Variants in FANCD2 observed in about 807,000 individuals in gnomAD.
FANCD2 encodes the protein Fanconi anemia group D2 protein.
Under a neutral mutation model 192.3 loss-of-function variants are expected in FANCD2, and 131 were observed. The ratio of observed to expected loss-of-function variants is 0.68; its 90% CI spans 0.59 to 0.79. The LOEUF (loss-of-function observed/expected upper bound fraction) is 0.79, where lower values mean the gene tolerates loss of function less well. Among genes scored for constraint, FANCD2 ranks in the 30% least tolerant of loss-of-function variants. The probability of loss-of-function intolerance (pLI) is 0.00; values close to 1 mark genes in which losing one functional copy is unlikely to be tolerated. For missense variants in FANCD2, 1,508 were observed against 1,701.6 expected (o/e 0.89, Z 2.00); for synonymous variants, 524 against 612.5 (o/e 0.86, Z 2.13).
chr3:10,044,510 A>G (rs572416277), intron 14 of FANCD2, among the ~76,000 whole-genome samples: 4 of 152,120 alleles, frequency 2.6e-5, no homozygotes, highest in African/African-American at 9.7e-5. Context: ...TCTACTAAAA[A>G]TACAAAAAAA....
chr3:10,080,949 C>T, intron 30 of FANCD2, 151 bp from the exon 31 acceptor site: 1 of 808,218 alleles, frequency 1.2e-6, no homozygotes, highest in South Asian at 1.5e-5. Context: ...GATTTTTATC[C>T]CTCTGTCAGA....
intron 26 of FANCD2, among the ~76,000 whole-genome samples, chr3:10,071,657 A>G (rs1693254416): frequency 6.6e-6 from 1 of 152,210 alleles, no homozygotes; most frequent in Non-Finnish European, 1.5e-5. Context: ...GAGTAGAAGT[A>G]TGGTTACCAG....
Position 10,034,776 on chromosome 3 carries a change from C to A in FANCD2, c.355C>A (p.Arg119Ser). Residue 119 changes from arginine to serine, a missense_variant, in exon 5 of 44, where the codon CGT (arginine) becomes AGT (serine). Arg to Ser is a moderately radical substitution (Grantham distance 110). Coordinates refer to ENST00000675286, the MANE Select transcript of FANCD2 (RefSeq NM_001018115.3). ...SFRNCLLSCE[R>S]LQDEEASMGA... is the part of the protein sequence containing the mutation. The stretch of plus-strand genomic sequence containing the variant: ...CAGGAACTGCCTTTTGTCTTGTGAG[C>A]GTCTGCAGGATGAGGAAGCCAGGTG... The A allele has an allele frequency of 6.4e-7, 1 of 1,559,974 alleles. No individual in the cohort carries two copies. Among genetic ancestry groups the A allele is most frequent in the Non-Finnish European group, 8.7e-7 (1 of 1,151,446 alleles).
At chr3:10,096,583 T>G (rs1575870451) in intron 42 of FANCD2, 111 bp downstream of exon 42, 1 of 988,014 alleles carries the variant, frequency 1.0e-6, no homozygotes, top group East Asian at 2.4e-5. Flanking sequence ...AAGGCTACTT[T>G]TCTCTTAAGT....
At chr3:10,036,367 A>G (rs745686606) in intron 7 of FANCD2, 28 bp downstream of exon 7, 36 of 1,542,280 alleles carry the variant, frequency 2.3e-5, no homozygotes, top group African/African-American at 4.1e-5. Flanking sequence ...GGAATGTTCA[A>G]AGTACCCTGA....
chr3:10,078,691 T>C (rs1355106848), intron 30 of FANCD2, among the ~76,000 whole-genome samples: 2 of 145,744 alleles, frequency 1.4e-5, no homozygotes, highest in South Asian at 5.1e-4. Context: ...AGGCTGGGCG[T>C]GGTGGCTCAC....
chr3:10,071,139 GAAAAAAAGA>G (rs1280743827), intron 26 of FANCD2, among the ~76,000 whole-genome samples: 217 of 115,528 alleles, frequency 1.9e-3, no homozygotes, highest in Non-Finnish European at 3.3e-3. Context: ...AAAAAAAAAA[GAAAAAAAGA>G]AAAAAAAAAA....
intron 26 of FANCD2, among the ~76,000 whole-genome samples, chr3:10,070,050 T>A (rs936542624): frequency 2.0e-5 from 3 of 147,026 alleles, no homozygotes; most frequent in Admixed American, 6.8e-5. Context: ...TCGTCTGAGA[T>A]GTGGGGAGCG....
chr3:10,060,049 C>T (rs1258368841), intron 18 of FANCD2, among the ~76,000 whole-genome samples: 1 of 151,822 alleles, frequency 6.6e-6, no homozygotes, highest in Non-Finnish European at 1.5e-5. Flanking sequence ...TGCCTGTAAT[C>T]CCAGTTACCC....
intron 19 of FANCD2, among the ~76,000 whole-genome samples, chr3:10,061,918 A>G (rs2087578931): frequency 6.7e-6 from 1 of 148,424 alleles, no homozygotes; most frequent in African/African-American, 2.5e-5. Flanking sequence ...GTAATTGAAC[A>G]ATGAGAACAC....
chr3:10,098,643 G>A, intron 42 of FANCD2, 77 bp from the exon 43 acceptor site: 4 of 1,556,308 alleles, frequency 2.6e-6, no homozygotes, highest in East Asian at 2.3e-5. Context: ...TGTATTGCCT[G>A]TAAACTCAAC....
intron 36 of FANCD2, 143 bp downstream of exon 36, chr3:10,089,093 T>G: frequency 1.1e-6 from 1 of 912,430 alleles, no homozygotes; most frequent in South Asian, 1.3e-5. Context: ...GAGACCCACT[T>G]GGCCAACATA....
At chr3:10,090,210 C>A in intron 36 of FANCD2, 82 bp from the exon 37 acceptor site, 1 of 966,290 alleles carries the variant, frequency 1.0e-6, no homozygotes, top group Non-Finnish European at 1.7e-6. Context: ...GGGAAGGAAG[C>A]TACTTTTGGT....
intron 9 of FANCD2, chr3:10,040,277 C>T (rs1045617654): frequency 2.4e-5 from 8 of 335,308 alleles, no homozygotes; most frequent in Admixed American, 4.2e-5. Context: ...ACCTTGTGAT[C>T]CGCCCTCCTC....
chr3:10,058,085 T>G, intron 18 of FANCD2: 1 of 496,886 alleles, frequency 2.0e-6, no homozygotes, highest in Non-Finnish European at 3.8e-6. Context: ...ATTCTCCAAA[T>G]ACTCCATCAG....
chr3:10,039,943 TAA>T lies in FANCD2; in HGVS notation c.695+102_695+103del. 3 of 1,430,366 alleles carry T rather than the reference TAA, an allele frequency of 2.1e-6. No individual in the cohort carries two copies. The South Asian group carries it at 3.6e-5, about 17-fold the overall frequency. The allele number at this position is 1,430,366 out of a possible 1,614,324, so 88.6% of individuals were successfully genotyped here. On this transcript the variant is annotated intron_variant, in intron 9 of 43. Coordinates refer to ENST00000675286, the MANE Select transcript of FANCD2 (RefSeq NM_001018115.3). ...CAGTAGTAATATGGTCTCTTCTATCTAAAAAGAGGATGATACCCCCCTTCATG... is the reference window on the plus strand; with the variant it reads ...CAGTAGTAATATGGTCTCTTCTATCTAAAGAGGATGATACCCCCCTTCATG...
chr3:10,069,794 C>A (rs1042138983), intron 26 of FANCD2, among the ~76,000 whole-genome samples: 1 of 152,144 alleles, frequency 6.6e-6, no homozygotes, highest in Admixed American at 6.5e-5. Flanking sequence ...AGTGCAGTAG[C>A]GTGATCTCGG....
In FANCD2 at chr3:10,041,612, A is replaced by G. The variant is rs376488313; in HGVS notation, c.696-11A>G. ...CATTATACAACTTTTTTCTTTTTCT[A>G]CCATTCACAGTGACCTACTGATAGA... On this transcript the variant is annotated splice_polypyrimidine_tract_variant and intron_variant, in intron 9 of 43. Transcript: ENST00000675286. 7.1e-5 allele frequency: 113 copies of G among 1,597,760 alleles called. No individual in the cohort carries two copies. The highest frequency in any genetic ancestry group is 8.6e-5 in the Non-Finnish European group (100 of 1,165,464).
At chr3:10,064,518 ACC>A in intron 22 of FANCD2, 89 bp downstream of exon 22, 3 of 1,352,048 alleles carry the variant, frequency 2.2e-6, no homozygotes, top group Non-Finnish European at 3.2e-6. Context: ...AATACCCTTC[ACC>A]TCAGCCACAG....
Sources: gnomAD v4.1 joint callset for allele counts (sites outside exome capture counted in the v4.1 genomes callset) on GRCh38, gnomAD v4.1.1 for gene constraint, MANE v1.5 for transcripts, NCBI Gene and HGNC (gene_info 2026-07-23, HGNC 2026-07-21) for gene names.